Variants in RUNDC3B observed in about 807,000 individuals in gnomAD.
RUNDC3B encodes the protein RUN domain-containing protein 3B.
Under a neutral mutation model 58.4 loss-of-function variants are expected in RUNDC3B, and 33 were observed. The ratio of observed to expected loss-of-function variants is 0.56; its 90% CI spans 0.43 to 0.75. The LOEUF is 0.75. Ranked by LOEUF, RUNDC3B falls within the 30% of genes least tolerant of loss-of-function variation. The pLI, the probability that RUNDC3B is intolerant of heterozygous loss-of-function variation, is 0.00. For synonymous variants in RUNDC3B, 193 were observed against 195.2 expected (o/e 0.99, Z 0.10); for missense variants, 501 against 535.7 (o/e 0.94, Z 0.64).
intron 2 of RUNDC3B, chr7:87,693,860 A>T (rs1563139078): frequency 6.3e-7 from 1 of 1,581,506 alleles, no homozygotes. Context: ...ACATGATGGC[A>T]GGTTTCTTAA....
chr7:87,747,380 A>T (rs1832706993), intron 6 of RUNDC3B, among the ~76,000 whole-genome samples: 1 of 152,096 alleles, frequency 6.6e-6, no homozygotes, highest in South Asian at 2.1e-4. Context: ...CGGAGGTAGC[A>T]GGGGGGTGAG....
At chr7:87,641,684 A>T (rs982935513) in intron 1 of RUNDC3B, among the ~76,000 whole-genome samples, 1 of 152,212 alleles carries the variant, frequency 6.6e-6, no homozygotes, top group East Asian at 1.9e-4. Context: ...TTCAAAAACA[A>T]ATCCTCCAAA....
intron 9 of RUNDC3B, among the ~76,000 whole-genome samples, chr7:87,809,023 C>A (rs916487073): frequency 1.3e-5 from 2 of 152,134 alleles, no homozygotes; most frequent in Non-Finnish European, 2.9e-5. Flanking sequence ...GATGTGTACA[C>A]TTCCCAATCT....
At chr7:87,637,839 C>A (rs1173257198) in intron 1 of RUNDC3B, among the ~76,000 whole-genome samples, 1 of 151,828 alleles carries the variant, frequency 6.6e-6, no homozygotes, top group Non-Finnish European at 1.5e-5. Flanking sequence ...TCTGAGTGCA[C>A]AGTCATGTCA....
At chr7:87,713,298 C>G (rs961977083) in intron 4 of RUNDC3B, 1 of 151,964 alleles carries the variant, frequency 6.6e-6, no homozygotes, top group Non-Finnish European at 1.5e-5. Context: ...GTAATGATAG[C>G]CTTTAAAATG....
rs1338520506 is a variant in RUNDC3B at position 87,663,329 on chromosome 7, T to C, written c.238+12392T>C. ...ATCTATTCCTTGTGTTTATTACCCA[T>C]TGACGCTATTAACTAACCATCTCGT... On this transcript the variant is annotated intron_variant, in intron 2 of 10. Transcript: ENST00000394654. Among the ~76,000 whole-genome samples the C allele has an allele frequency of 7.0e-4, 107 of 152,110 alleles. 1 individual carries two copies. Among genetic ancestry groups the C allele is most frequent in the Admixed American group, 7.0e-3 (106 of 15,248 alleles).
chr7:87,710,626 T>A lies in RUNDC3B; in HGVS notation c.429T>A (p.Ser143=). ...AAAAACATTTATCTGAATACATCTC[T>A]ACAGCTCTGAGAGACTTCAAAACAA... ...LMEKHLSEYI[S]TALRDFKTTR... Residue 143 remains serine, a synonymous_variant, in exon 4 of 11, where the codon TCT becomes TCA. Transcript: ENST00000394654. 2 of 1,598,032 alleles carry A rather than the reference T, an allele frequency of 1.3e-6. No homozygotes were observed. Among genetic ancestry groups the A allele is most frequent in the South Asian group, 2.2e-5 (2 of 89,256 alleles).
At chr7:87,651,301 A>C (rs887930830) in intron 2 of RUNDC3B, among the ~76,000 whole-genome samples, 5 of 152,170 alleles carry the variant, frequency 3.3e-5, no homozygotes, top group Non-Finnish European at 5.9e-5. Context: ...CTACTTTCTT[A>C]AACTTAGGTA....
At chr7:87,819,941 A>T (rs373973034) in intron 10 of RUNDC3B, among the ~76,000 whole-genome samples, 1 of 152,110 alleles carries the variant, frequency 6.6e-6, no homozygotes, top group Non-Finnish European at 1.5e-5. Flanking sequence ...AGCAGGAAAG[A>T]TCCAAAATTG....
chr7:87,801,254 C>T (rs533923941), intron 8 of RUNDC3B, among the ~76,000 whole-genome samples: 7 of 152,198 alleles, frequency 4.6e-5, no homozygotes, highest in African/African-American at 1.4e-4. Context: ...GAGTTCCCCA[C>T]GTGACCAAGG....
At position 87,668,445 on chromosome 7, in the gene RUNDC3B, A is replaced by G. The variant is rs548037019; in HGVS notation, c.238+17508A>G. 4.6e-5 allele frequency among the ~76,000 whole-genome samples: 7 copies of G among 151,922 alleles called. 1 individual carries two copies. The highest frequency in any genetic ancestry group is 1.7e-4 in the African/African-American group (7 of 41,466). Reference sequence around the variant, plus strand: ...TTTCAAAACAACAGCCCTTGGATTAATTGATCTTTTGATTGTTTTTTTTGT... The same window carrying G: ...TTTCAAAACAACAGCCCTTGGATTAGTTGATCTTTTGATTGTTTTTTTTGT... On this transcript the variant is annotated intron_variant, in intron 2 of 10. Coordinates refer to ENST00000394654, the MANE Select transcript of RUNDC3B (RefSeq NM_001134405.2).
chr7:87,812,113 T>C (rs1472565472), intron 9 of RUNDC3B, among the ~76,000 whole-genome samples: 1 of 152,210 alleles, frequency 6.6e-6, no homozygotes, highest in African/African-American at 2.4e-5. Context: ...CTTCTGATTA[T>C]TGATATAAAA....
chr7:87,639,963 A>G (rs1385740445), intron 1 of RUNDC3B, among the ~76,000 whole-genome samples: 1 of 151,346 alleles, frequency 6.6e-6, no homozygotes, highest in Non-Finnish European at 1.5e-5. Context: ...GCCTTCTTAA[A>G]TATTAATATT....
At chr7:87,646,490 A>G (rs1823016786) in intron 1 of RUNDC3B, among the ~76,000 whole-genome samples, 1 of 152,142 alleles carries the variant, frequency 6.6e-6, no homozygotes, top group East Asian at 1.9e-4. Context: ...ATGCATTACT[A>G]TCTTAAATGG....
At chr7:87,714,651 A>T (rs1830383445) in intron 4 of RUNDC3B, among the ~76,000 whole-genome samples, 1 of 152,154 alleles carries the variant, frequency 6.6e-6, no homozygotes, top group Non-Finnish European at 1.5e-5. Context: ...GTGAAGATAG[A>T]CAACTGGTTA....
chr7:87,817,731 A>G (rs1837145202), intron 10 of RUNDC3B, among the ~76,000 whole-genome samples: 1 of 152,160 alleles, frequency 6.6e-6, no homozygotes, highest in African/African-American at 2.4e-5. Flanking sequence ...ATGCTCTATC[A>G]TACTGCCATG....
At chr7:87,763,793 G>A (rs961096377) in intron 6 of RUNDC3B, among the ~76,000 whole-genome samples, 4 of 151,540 alleles carry the variant, frequency 2.6e-5, no homozygotes, top group Non-Finnish European at 4.4e-5. Context: ...TTTGCTATTT[G>A]TTTGTTTATT....
intron 8 of RUNDC3B, among the ~76,000 whole-genome samples, chr7:87,789,765 A>G (rs955833721): frequency 1.3e-5 from 2 of 152,206 alleles, no homozygotes; most frequent in Non-Finnish European, 2.9e-5. Flanking sequence ...TTACAACAGG[A>G]AAGAGTAGTA....
intron 8 of RUNDC3B, among the ~76,000 whole-genome samples, chr7:87,804,738 A>C (rs924682345): frequency 3.9e-5 from 6 of 152,202 alleles, no homozygotes; most frequent in African/African-American, 1.4e-4. Context: ...ATAGCAGACT[A>C]ATTTCAGCAT....
Sources: allele counts gnomAD v4.1 joint callset (sites outside exome capture counted in the v4.1 genomes callset), GRCh38; gene constraint gnomAD v4.1.1; transcripts MANE v1.5; gene names NCBI Gene and HGNC (gene_info 2026-07-23, HGNC 2026-07-21).